CCSER1: variants seen among roughly 807,000 people sequenced by gnomAD.
CCSER1 encodes the protein coiled-coil serine rich protein 1.
CCSER1 carries 41 observed loss-of-function variants against 82.0 expected under a neutral mutation model. The ratio of observed to expected loss-of-function variants is 0.50; its 90% confidence interval spans 0.39 to 0.65. CCSER1 has a LOEUF of 0.65. CCSER1 is among the 30% of genes least tolerant of loss of function. The probability of loss-of-function intolerance (pLI) is 0.00; values close to 1 mark genes in which losing one functional copy is unlikely to be tolerated. For missense variants in CCSER1, 1,119 were observed against 1,064.2 expected (o/e 1.05, Z -0.72); for synonymous variants, 414 against 383.9 (o/e 1.08, Z -0.92).
intron 10 of CCSER1, among the ~76,000 whole-genome samples, chr4:91,538,821 G>A (rs978603760): frequency 2.7e-5 from 4 of 149,650 alleles, no homozygotes; most frequent in Admixed American, 6.7e-5. Context: ...CTAAGCAACA[G>A]CAACTTTAAT....
At chr4:91,047,277 A>G (rs1453003014) in intron 9 of CCSER1, among the ~76,000 whole-genome samples, 2 of 152,168 alleles carry the variant, frequency 1.3e-5, no homozygotes, top group Non-Finnish European at 2.9e-5. Flanking sequence ...TCAAAAGCAT[A>G]TGTATAACAC....
chr4:90,420,043 G>T (rs1756443083), intron 4 of CCSER1, among the ~76,000 whole-genome samples: 1 of 151,948 alleles, frequency 6.6e-6, no homozygotes, highest in Admixed American at 6.6e-5. Flanking sequence ...TGAAAAAGCA[G>T]TAATTTATAG....
At chr4:91,081,923 C>T (rs1463661944) in intron 9 of CCSER1, among the ~76,000 whole-genome samples, 11 of 152,132 alleles carry the variant, frequency 7.2e-5, no homozygotes, top group Non-Finnish European at 1.6e-4. Flanking sequence ...AGAATACAAA[C>T]AAATGGAAGA....
chr4:90,789,101 T>C (rs542257111), intron 7 of CCSER1, among the ~76,000 whole-genome samples: 37 of 152,340 alleles, frequency 2.4e-4, no homozygotes, highest in Admixed American at 1.4e-3. Flanking sequence ...AATTATGTAG[T>C]TGGTAGCTCA....
chr4:90,290,246 A>G (rs957448253), intron 1 of CCSER1, among the ~76,000 whole-genome samples: 1 of 151,936 alleles, frequency 6.6e-6, no homozygotes, highest in Non-Finnish European at 1.5e-5. Flanking sequence ...TAAGATGTGC[A>G]GAAGAAAGTT....
chr4:90,863,300 T>C (rs1469657785), intron 8 of CCSER1, among the ~76,000 whole-genome samples: 1 of 151,986 alleles, frequency 6.6e-6, no homozygotes, highest in Non-Finnish European at 1.5e-5. Flanking sequence ...TTCACAGAAA[T>C]TATTTTATTA....
intron 8 of CCSER1, among the ~76,000 whole-genome samples, chr4:90,854,793 C>G (rs760754221): frequency 1.8e-4 from 28 of 151,926 alleles, no homozygotes; most frequent in Non-Finnish European, 3.7e-4. Flanking sequence ...TAGGCTACTA[C>G]ATTACTGTAT....
intron 7 of CCSER1, chr4:90,782,018 T>C (rs1260309996): frequency 4.9e-6 from 4 of 822,100 alleles, no homozygotes; most frequent in Non-Finnish European, 5.9e-6. Context: ...TTTTCCTAAA[T>C]AGATTTAGTA....
At chr4:91,480,453 T>C (rs975824383) in intron 10 of CCSER1, among the ~76,000 whole-genome samples, 8 of 152,200 alleles carry the variant, frequency 5.3e-5, no homozygotes, top group Non-Finnish European at 8.8e-5. Flanking sequence ...TGTGAGATGG[T>C]ATCTCATTGT....
intron 7 of CCSER1, among the ~76,000 whole-genome samples, chr4:90,791,831 A>AAC: frequency 6.8e-6 from 1 of 146,054 alleles, no homozygotes; most frequent in South Asian, 2.2e-4. Context: ...AAAAAAAAAA[A>AAC]AACACACACA....
intron 1 of CCSER1, among the ~76,000 whole-genome samples, chr4:90,185,672 A>G (rs145108320): frequency 0.018 from 2,705 of 152,200 alleles, 35 homozygotes; most frequent in Non-Finnish European, 0.029. Flanking sequence ...CCCAGTCCTC[A>G]AGCAAAATAT....
chr4:91,219,704 G>C (rs939023081), intron 10 of CCSER1, among the ~76,000 whole-genome samples: 1 of 152,042 alleles, frequency 6.6e-6, no homozygotes, highest in Admixed American at 6.5e-5. Context: ...TTCACTTAGG[G>C]CAAAAGATTC....
At chr4:90,388,999 ATAAACT>A (rs1391268367) in intron 3 of CCSER1, among the ~76,000 whole-genome samples, 1 of 152,218 alleles carries the variant, frequency 6.6e-6, no homozygotes, top group African/African-American at 2.4e-5. Context: ...ATATTCAAAG[ATAAACT>A]TAGAATAAAA....
At chr4:90,973,092 A>G (rs537123359) in intron 9 of CCSER1, among the ~76,000 whole-genome samples, 139 of 151,866 alleles carry the variant, frequency 9.2e-4, no homozygotes, top group African/African-American at 3.1e-3. Context: ...GCTGCTTGAC[A>G]TTTGGCTGGG....
intron 1 of CCSER1, among the ~76,000 whole-genome samples, chr4:90,196,656 T>TACACACACACACAC (rs34346681): frequency 0.087 from 12,485 of 143,720 alleles, 634 homozygotes; most frequent in East Asian, 0.21. Flanking sequence ...CCTGCTCAGA[T>TACACACACACACAC]ACACACACAC....
intron 10 of CCSER1, among the ~76,000 whole-genome samples, chr4:91,455,467 G>T (rs1237285285): frequency 6.6e-6 from 1 of 152,068 alleles, no homozygotes; most frequent in Non-Finnish European, 1.5e-5. Flanking sequence ...GAGTGTTCTT[G>T]CTTCTTCTGA....
chr4:91,568,446 A>G (rs1476700651), intron 10 of CCSER1, among the ~76,000 whole-genome samples: 2 of 152,072 alleles, frequency 1.3e-5, no homozygotes, highest in Non-Finnish European at 2.9e-5. Flanking sequence ...TATGTTTTCC[A>G]AGTTGTTTGC....
intron 10 of CCSER1, among the ~76,000 whole-genome samples, chr4:91,093,375 T>C (rs915050063): frequency 6.6e-6 from 1 of 152,218 alleles, no homozygotes; most frequent in African/African-American, 2.4e-5. Flanking sequence ...GGGAGTAAGG[T>C]TGCAGGATTC....
chr4:91,370,734 T>C (rs776171036), intron 10 of CCSER1, among the ~76,000 whole-genome samples: 1 of 152,048 alleles, frequency 6.6e-6, no homozygotes, highest in Non-Finnish European at 1.5e-5. Context: ...TTTGTATGGG[T>C]ACATAGTGTT....
Sources: allele counts gnomAD v4.1 joint callset (sites outside exome capture counted in the v4.1 genomes callset), GRCh38; gene constraint gnomAD v4.1.1; transcripts MANE v1.5; gene names NCBI Gene and HGNC (gene_info 2026-07-23, HGNC 2026-07-21).